Variants in PPAT observed in about 807,000 individuals in gnomAD.
The protein encoded by PPAT is amidophosphoribosyltransferase.
In PPAT, 20 loss-of-function variants were observed where a neutral mutation model predicts 60.2. That is an observed-to-expected ratio of 0.33 (90% CI 0.23 to 0.48). The LOEUF (loss-of-function observed/expected upper bound fraction) is 0.48, where lower values mean the gene tolerates loss of function less well. PPAT is among the 20% of genes least tolerant of loss of function. The probability of loss-of-function intolerance (pLI) is 0.99; values close to 1 mark genes in which losing one functional copy is unlikely to be tolerated. For synonymous variants in PPAT, 194 were observed against 215.1 expected (o/e 0.90, Z 0.86); for missense variants, 349 against 629.6 (o/e 0.55, Z 4.77).
chr4:56,409,415 T>C (rs989750530), intron 1 of PPAT, among the ~76,000 whole-genome samples: 1 of 152,210 alleles, frequency 6.6e-6, no homozygotes, highest in Non-Finnish European at 1.5e-5. Flanking sequence ...TTTTTATGCC[T>C]TTCTGCATTT....
At position 56,417,943 on chromosome 4, in the gene PPAT, G is replaced by A. The variant is rs1431738585; in HGVS notation, c.129-10227C>T. On this transcript the variant is annotated intron_variant, in intron 1 of 10. Coordinates refer to ENST00000264220, the MANE Select transcript of PPAT (RefSeq NM_002703.5). ...GCAATCCTGCCTCCCAGGTTCAAGC[G>A]ATTCTCCTGCCTCAGCCTCCTGAGT... Among the ~76,000 whole-genome samples the A allele has an allele frequency of 2.7e-5, 4 of 150,408 alleles. No individual in the cohort carries two copies. In the South Asian group the frequency reaches 6.3e-4, roughly 24 times the overall value.
chr4:56,402,217 A>T (rs137938479), intron 5 of PPAT, 36 bp from the exon 6 acceptor site: 1 of 1,475,414 alleles, frequency 6.8e-7, no homozygotes, highest in South Asian at 1.2e-5. Context: ...AATGGATTCC[A>T]GAAATTTTAA....
At position 56,399,397 on chromosome 4, in the gene PPAT, C is replaced by T. The variant is rs369370347; in HGVS notation, c.1018G>A (p.Gly340Arg). The T allele has an allele frequency of 1.1e-5, 18 of 1,608,808 alleles. No homozygotes were observed. In the African/African-American group the frequency reaches 2.1e-4, roughly 19 times the overall value. The part of the protein sequence containing the change: ...PAALAYAGKC[G>R]LPYVEVLCKN... ...CACAGCACCTCCACATATGGAAGTC[C>T]ACACTGATAGAGAAGAAATGAAAGG... Residue 340 changes from glycine (G) to arginine (R), a missense_variant, in exon 9 of 11, where the codon GGA (glycine) becomes AGA (arginine). Physicochemically the swap from Gly to Arg is moderately radical, Grantham distance 125. Coordinates refer to ENST00000264220, the MANE Select transcript of PPAT (RefSeq NM_002703.5).
intron 1 of PPAT, 46 bp downstream of exon 1, chr4:56,435,304 G>C (rs773422374): frequency 2.5e-6 from 4 of 1,609,494 alleles, no homozygotes; most frequent in Non-Finnish European, 3.4e-6. Context: ...AAGCGGCTCC[G>C]AGAGATGGAG....
intron 1 of PPAT, among the ~76,000 whole-genome samples, chr4:56,413,144 G>C (rs1716549346): frequency 6.7e-6 from 1 of 150,150 alleles, no homozygotes; most frequent in South Asian, 2.1e-4. Flanking sequence ...TTTTTGTCTT[G>C]TTTTTGGTTT....
At chr4:56,401,019 G>A (rs913919318) in intron 7 of PPAT, 108 bp from the exon 8 acceptor site, 1 of 1,141,176 alleles carries the variant, frequency 8.8e-7, no homozygotes, top group Non-Finnish European at 1.2e-6. Context: ...AAAAAGAAAT[G>A]CAATATATAC....
intron 1 of PPAT, 76 bp downstream of exon 1, chr4:56,435,274 A>G: frequency 6.3e-7 from 1 of 1,593,734 alleles, no homozygotes; most frequent in African/African-American, 1.3e-5. Context: ...TCGGGCGCTC[A>G]TGAGAACGCC....
intron 1 of PPAT, chr4:56,410,594 C>T (rs553764931): frequency 1.1e-5 from 11 of 985,570 alleles, no homozygotes; most frequent in South Asian, 4.7e-5. Flanking sequence ...AAAAAATATA[C>T]GAAAACAACT....
Position 56,416,460 on chromosome 4 carries a change from A to C in PPAT, c.129-8744T>G. On this transcript the variant is annotated intron_variant, in intron 1 of 10. Transcript: ENST00000264220. Reference sequence around the variant, plus strand: ...CTAGGTATAGTATAATGGATGGGACAGAATGAAACTGATCTAATTTCAAAC... The same window carrying C: ...CTAGGTATAGTATAATGGATGGGACCGAATGAAACTGATCTAATTTCAAAC... 2 of 320,494 alleles carry C rather than the reference A, an allele frequency of 6.2e-6. 1 individual carries two copies. Among genetic ancestry groups the C allele is most frequent in the Non-Finnish European group, 9.0e-6 (2 of 221,852 alleles). The allele number at this position is 320,494 out of a possible 1,614,324, so 19.9% of individuals were successfully genotyped here.
chr4:56,404,098 T>C (rs923139060), intron 3 of PPAT: 1 of 395,472 alleles, frequency 2.5e-6, no homozygotes, highest in Non-Finnish European at 5.3e-6. Context: ...CGGATGACCA[T>C]GGCTGGAGGC....
At chr4:56,412,309 CTTT>C (rs35987993) in intron 1 of PPAT, among the ~76,000 whole-genome samples, 2 of 142,106 alleles carry the variant, frequency 1.4e-5, no homozygotes, top group Non-Finnish European at 1.5e-5. Flanking sequence ...CTCCCATCAC[CTTT>C]TTTTTTTTTT....
chr4:56,432,635 A>C (rs1717652606), intron 1 of PPAT, among the ~76,000 whole-genome samples: 1 of 151,548 alleles, frequency 6.6e-6, no homozygotes, highest in African/African-American at 2.4e-5. Flanking sequence ...AATACAAAAA[A>C]TTAGCCGGGC....
intron 1 of PPAT, among the ~76,000 whole-genome samples, chr4:56,416,018 C>T (rs542975845): frequency 5.6e-4 from 84 of 150,858 alleles, no homozygotes; most frequent in Non-Finnish European, 8.4e-4. Context: ...TGCAGTGAGC[C>T]GAGATCACAC....
intron 3 of PPAT, among the ~76,000 whole-genome samples, chr4:56,406,054 C>T (rs1716233002): frequency 6.6e-6 from 1 of 152,134 alleles, no homozygotes; most frequent in South Asian, 2.1e-4. Context: ...CATTTGGTGT[C>T]CTCTGGAAAA....
At position 56,421,270 on chromosome 4, in the gene PPAT, T is replaced by C. The variant is rs1302526556; in HGVS notation, c.129-13554A>G. On this transcript the variant is annotated intron_variant, in intron 1 of 10. Coordinates refer to ENST00000264220, the MANE Select transcript of PPAT (RefSeq NM_002703.5). ...CTCCCATCACTCCCAGATGGGACCATGTAGTTGCAGGAAAACAAGCTCCGG... is the reference window on the plus strand; with the variant it reads ...CTCCCATCACTCCCAGATGGGACCACGTAGTTGCAGGAAAACAAGCTCCGG... 6 of 158,058 alleles carry C rather than the reference T, an allele frequency of 3.8e-5. No individual in the cohort carries two copies. The South Asian group carries it at 1.2e-3, about 32-fold the overall frequency. 9.8% of individuals were successfully genotyped at this position (158,058 alleles called of 1,614,324 possible).
At chr4:56,404,610 G>A (rs1469262893) in intron 3 of PPAT, among the ~76,000 whole-genome samples, 1 of 152,184 alleles carries the variant, frequency 6.6e-6, no homozygotes, top group African/African-American at 2.4e-5. Flanking sequence ...TCAGGAAACA[G>A]TGAGTTAGTG....
intron 1 of PPAT, among the ~76,000 whole-genome samples, chr4:56,413,928 A>G (rs1328876071): frequency 2.0e-5 from 3 of 152,152 alleles, no homozygotes; most frequent in Non-Finnish European, 4.4e-5. Flanking sequence ...ATAATTAACG[A>G]CTTAGGCTAA....
At chr4:56,419,125 GT>G (rs1293100405) in intron 1 of PPAT, among the ~76,000 whole-genome samples, 4 of 152,290 alleles carry the variant, frequency 2.6e-5, no homozygotes. Flanking sequence ...CAGAGTGGTG[GT>G]TTTTAAATGC....
Position 56,395,370 on chromosome 4 carries a change from A to G in PPAT, c.1536T>C (p.Pro512=), listed in dbSNP as rs1251321624. ...CTACCAGCTACCATTCTAATTCTACAGGATATTTTCCAGTGAGACAAGCTG... is the reference window on the plus strand; with the variant it reads ...CTACCAGCTACCATTCTAATTCTACGGGATATTTTCCAGTGAGACAAGCTG... ...HCTACLTGKY[P]VELEW is the part of the protein sequence containing the mutation. The change falls in exon 11 of 11, where the codon CCT becomes CCC. Residue 512 remains proline, a synonymous_variant. Transcript: ENST00000264220. 1.9e-6 allele frequency: 3 copies of G among 1,606,662 alleles called. No individual in the cohort carries two copies. Among genetic ancestry groups the G allele is most frequent in the Non-Finnish European group, 2.6e-6 (3 of 1,175,282 alleles).
Sources: gnomAD v4.1 joint callset for allele counts (sites outside exome capture counted in the v4.1 genomes callset) on GRCh38, gnomAD v4.1.1 for gene constraint, MANE v1.5 for transcripts, NCBI Gene and HGNC (gene_info 2026-07-23, HGNC 2026-07-21) for gene names.